Variants in TESK2 observed in about 807,000 individuals in gnomAD.
TESK2 encodes the protein testis associated actin remodelling kinase 2.
TESK2 carries 39 observed loss-of-function variants against 57.1 expected under a neutral mutation model. That is an observed-to-expected ratio of 0.68 (90% CI 0.53 to 0.89). The LOEUF is 0.89. Ranked by LOEUF, TESK2 falls within the 40% of genes least tolerant of loss-of-function variation. TESK2 has a pLI of 0.00. For missense variants in TESK2, 646 were observed against 732.1 expected, an observed-to-expected ratio of 0.88 and a Z score of 1.36; for synonymous variants, 249 against 267.9, an observed-to-expected ratio of 0.93 and a Z score of 0.69.
chr1:45,345,186 A>AAGGAACGC lies in TESK2; in HGVS notation c.1362_1369dup (p.Leu457CysfsTer33), dbSNP rs1557535460. The AAGGAACGC allele has an allele frequency of 6.2e-7, 1 of 1,614,204 alleles. No homozygotes were observed. The highest frequency in any genetic ancestry group is 1.7e-5 in the Admixed American group (1 of 60,032). On this transcript the variant is annotated frameshift_variant, in exon 11 of 11. Transcript: ENST00000372086. LOFTEE classifies it high-confidence loss of function. ...ATGCAAGAACTCAGGCGAACCAGGC[A>AAGGAACGC]AGGAACGCCACCGGCGAATAGGTGG...
chr1:45,451,978 A>G (rs1390982272), intron 2 of TESK2, among the ~76,000 whole-genome samples: 1 of 148,398 alleles, frequency 6.7e-6, no homozygotes, highest in Non-Finnish European at 1.5e-5. Flanking sequence ...GGTTGTAGTG[A>G]GCCAAGATCA....
intron 2 of TESK2, among the ~76,000 whole-genome samples, chr1:45,445,421 C>G (rs1235667758): frequency 6.6e-6 from 1 of 151,968 alleles, no homozygotes; most frequent in Non-Finnish European, 1.5e-5. Flanking sequence ...TAAGAAGAAC[C>G]AGTTGGACAA....
rs11294894 is a variant in TESK2, at chr1:45,472,558, C to CA, written c.-86-14688dup. ...GGGGGACAAGAGCAAAACTCCATCTCAAAAAAAAAAAAAAAAAAGGTGATC... is the reference window on the plus strand; with the variant it reads ...GGGGGACAAGAGCAAAACTCCATCTCAAAAAAAAAAAAAAAAAAAGGTGATC... On this transcript the variant is annotated intron_variant, in intron 1 of 10. Coordinates refer to ENST00000372086, the MANE Select transcript of TESK2 (RefSeq NM_007170.3). 2.9e-3 allele frequency among the ~76,000 whole-genome samples: 315 copies of CA among 107,006 alleles called. 7 individuals carry two copies. The highest frequency in any genetic ancestry group is 2.9e-3 in the South Asian group (9 of 3,156). The allele number at this position is 107,006 out of a possible 152,430, so 70.2% of individuals were successfully genotyped here.
At chr1:45,490,016 C>T (rs1324830624) in intron 1 of TESK2, among the ~76,000 whole-genome samples, 3 of 152,134 alleles carry the variant, frequency 2.0e-5, no homozygotes, top group African/African-American at 4.8e-5. Flanking sequence ...ATTTTGAAAC[C>T]TCTTGGAATT....
At chr1:45,461,133 T>C (rs1228235222) in intron 1 of TESK2, among the ~76,000 whole-genome samples, 1 of 151,358 alleles carries the variant, frequency 6.6e-6, no homozygotes, top group Non-Finnish European at 1.5e-5. Context: ...AGTGCTAAGA[T>C]TACAGGTGTG....
At chr1:45,398,695 T>C (rs537206404) in intron 3 of TESK2, 2 of 235,438 alleles carry the variant, frequency 8.5e-6, no homozygotes, top group African/African-American at 4.5e-5. Flanking sequence ...AGAGAATAGC[T>C]ACTTGTTCAA....
At chr1:45,380,117 C>G (rs961017632) in intron 4 of TESK2, among the ~76,000 whole-genome samples, 1 of 152,104 alleles carries the variant, frequency 6.6e-6, no homozygotes, top group African/African-American at 2.4e-5. Flanking sequence ...CCAGGCTGGT[C>G]TCAAACTCCT....
At chr1:45,389,194 G>A (rs1453917843) in intron 3 of TESK2, among the ~76,000 whole-genome samples, 2 of 152,234 alleles carry the variant, frequency 1.3e-5, no homozygotes, top group East Asian at 3.9e-4. Context: ...CAGAAGGATC[G>A]CTTGAATCCA....
chr1:45,387,495 G>A (rs2149275439), intron 3 of TESK2, among the ~76,000 whole-genome samples: 1 of 152,130 alleles, frequency 6.6e-6, no homozygotes, highest in South Asian at 2.1e-4. Flanking sequence ...GGAATGGGAA[G>A]AGACTGACTA....
At chr1:45,369,619 C>T (rs1012382984) in intron 4 of TESK2, among the ~76,000 whole-genome samples, 5 of 151,782 alleles carry the variant, frequency 3.3e-5, no homozygotes, top group African/African-American at 1.2e-4. Context: ...GCAGTGGAGG[C>T]GGGCAGAGAG....
At chr1:45,433,066 T>C (rs111397040) in intron 2 of TESK2, among the ~76,000 whole-genome samples, 1,440 of 3,442 alleles carry the variant, frequency 0.42, 21 homozygotes, top group Middle Eastern at 0.5. Flanking sequence ...GCCCAGCCGC[T>C]TTTTTTTTTT....
intron 2 of TESK2, among the ~76,000 whole-genome samples, chr1:45,434,679 T>C (rs1489804303): frequency 6.6e-6 from 1 of 151,974 alleles, no homozygotes; most frequent in East Asian, 1.9e-4. Flanking sequence ...ATTTTCGGGG[T>C]AGGGAGAGAT....
rs1647126639 is a variant in TESK2 at position 45,345,401 on chromosome 1, T to C, written c.1155A>G (p.Pro385=). ...KPPRTVSVLD[P]YYRPRDGAAR... is the part of the protein sequence containing the mutation. ...CAGCACCATCTCGTGGCCGGTAGTA[T>C]GGGTCCAAGACACTCACTGTACGTG... The change falls in exon 11 of 11, where the codon CCA becomes CCG. Residue 385 remains proline (P), a synonymous_variant. Coordinates refer to ENST00000372086, the MANE Select transcript of TESK2 (RefSeq NM_007170.3). 1 of 1,614,122 alleles carries C rather than the reference T, an allele frequency of 6.2e-7. No individual in the cohort carries two copies. The highest frequency in any genetic ancestry group is 1.3e-5 in the African/African-American group (1 of 75,030).
At position 45,356,712 on chromosome 1, in the gene TESK2, CTAAA is replaced by C. The variant is rs1647439892; in HGVS notation, c.394-1267_394-1264del. ...ATTGGACAACCAAGGTGGAAATGAT[CTAAA>C]TAGAGTCAGTTTGAAGCTTAAGAAC... On this transcript the variant is annotated intron_variant, in intron 4 of 10. Coordinates refer to ENST00000372086, the MANE Select transcript of TESK2 (RefSeq NM_007170.3). Among the ~76,000 whole-genome samples, 3 of 150,958 alleles carry C rather than the reference CTAAA, an allele frequency of 2.0e-5. No homozygotes were observed. In the South Asian group the frequency reaches 6.3e-4, roughly 32 times the overall value.
At chr1:45,387,590 C>T (rs1648955063) in intron 3 of TESK2, among the ~76,000 whole-genome samples, 1 of 152,058 alleles carries the variant, frequency 6.6e-6, no homozygotes, top group South Asian at 2.1e-4. Context: ...CATATTCTTC[C>T]CTGTGTTCAC....
chr1:45,449,758 T>G (rs1377139800), intron 2 of TESK2, among the ~76,000 whole-genome samples: 2 of 152,206 alleles, frequency 1.3e-5, no homozygotes, highest in Non-Finnish European at 2.9e-5. Flanking sequence ...AATGATGAAA[T>G]GTAGTAGACA....
intron 1 of TESK2, among the ~76,000 whole-genome samples, chr1:45,462,615 T>C (rs1355683497): frequency 6.6e-6 from 1 of 152,184 alleles, no homozygotes; most frequent in Non-Finnish European, 1.5e-5. Flanking sequence ...TTTGTGTAGG[T>C]GCCACATTTT....
rs546153728 is a variant in TESK2 at position 45,455,832 on chromosome 1, G to A, written c.222+1732C>T. On this transcript the variant is annotated intron_variant, in intron 2 of 10. Coordinates refer to ENST00000372086, the MANE Select transcript of TESK2 (RefSeq NM_007170.3). ...AAAGAAGCTGGAAATGGTACATAGA[G>A]ACAACTCTATGGAGTTGTTTTGGTC... Among the ~76,000 whole-genome samples the A allele has an allele frequency of 1.5e-3, 225 of 152,134 alleles. 1 individual carries two copies. The highest frequency in any genetic ancestry group is 5.2e-3 in the African/African-American group (216 of 41,512).
chr1:45,462,258 C>CA (rs1652362587), intron 1 of TESK2, among the ~76,000 whole-genome samples: 1 of 150,800 alleles, frequency 6.6e-6, no homozygotes, highest in South Asian at 2.1e-4. Flanking sequence ...CATGCTGTTG[C>CA]AAAAAAAGGG....
Sources: gnomAD v4.1 joint callset for allele counts (sites outside exome capture counted in the v4.1 genomes callset) on GRCh38, gnomAD v4.1.1 for gene constraint, MANE v1.5 for transcripts, NCBI Gene and HGNC (gene_info 2026-07-23, HGNC 2026-07-21) for gene names.